ROBO2: variants seen among roughly 807,000 people sequenced by gnomAD.
ROBO2 encodes roundabout guidance receptor 2, also known as roundabout homolog 2.
Under a neutral mutation model 160.8 loss-of-function variants are expected in ROBO2, and 53 were observed. That is an observed-to-expected ratio of 0.33 (90% CI 0.26 to 0.41). The LOEUF is 0.41. Ranked by LOEUF, ROBO2 falls within the 10% of genes least tolerant of loss-of-function variation. The pLI is 1.00. For synonymous variants in ROBO2, 664 were observed against 611.7 expected, an observed-to-expected ratio of 1.09 and a Z score of -1.26; for missense variants, 1,577 against 1,722.4, an observed-to-expected ratio of 0.92 and a Z score of 1.49.
intron 2 of ROBO2, among the ~76,000 whole-genome samples, chr3:76,693,111 ATATG>A (rs2092843056): frequency 6.7e-6 from 1 of 149,840 alleles, no homozygotes; most frequent in African/African-American, 2.4e-5. Context: ...ATATCCCTAT[ATATG>A]TATGTGTATA....
chr3:76,985,250 A>G (rs1243101585), intron 2 of ROBO2, among the ~76,000 whole-genome samples: 2 of 152,128 alleles, frequency 1.3e-5, no homozygotes. Flanking sequence ...ACTTTAAAAT[A>G]TGTGCTTTAG....
At chr3:76,120,673 T>C (rs1437622061) in intron 2 of ROBO2, among the ~76,000 whole-genome samples, 2 of 152,196 alleles carry the variant, frequency 1.3e-5, no homozygotes, top group Non-Finnish European at 1.5e-5. Flanking sequence ...GTACTCCTTA[T>C]ATATTTGTTG....
At position 76,468,248 on chromosome 3, in the gene ROBO2, G is replaced by A. The variant is rs576525504; in HGVS notation, c.109+530646G>A. On this transcript the variant is annotated intron_variant, in intron 2 of 26. Coordinates refer to the ROBO2 transcript ENST00000487694. ...CTGGCAAAGTGAGGATTCAAATATG[G>A]GAATTGAATCCATTGTCAGCACTTT... 2.6e-5 allele frequency among the ~76,000 whole-genome samples: 4 copies of A among 152,196 alleles called. 1 individual carries two copies. The South Asian group carries it at 8.3e-4, about 32-fold the overall frequency.
chr3:77,611,043 A>C (rs2094627272), intron 21 of ROBO2, among the ~76,000 whole-genome samples: 1 of 152,044 alleles, frequency 6.6e-6, no homozygotes, highest in African/African-American at 2.4e-5. Context: ...TCACACCTGT[A>C]ATCTCAGCAC....
intron 2 of ROBO2, among the ~76,000 whole-genome samples, chr3:76,877,906 G>A (rs1363036367): frequency 6.6e-6 from 1 of 152,186 alleles, no homozygotes. Context: ...GAAAGGGCAA[G>A]GTGGAGGAGA....
At chr3:76,524,826 TAAAA>T (rs58091252) in intron 2 of ROBO2, among the ~76,000 whole-genome samples, 475 of 21,180 alleles carry the variant, frequency 0.022, no homozygotes, top group Non-Finnish European at 0.037. Flanking sequence ...CTCTTATTCC[TAAAA>T]AAAAAAAAAA....
intron 2 of ROBO2, among the ~76,000 whole-genome samples, chr3:76,330,919 T>G (rs1238897148): frequency 2.6e-5 from 4 of 152,220 alleles, no homozygotes; most frequent in African/African-American, 9.7e-5. Flanking sequence ...TCTGCTGTGG[T>G]ATTCCCATAA....
intron 2 of ROBO2, among the ~76,000 whole-genome samples, chr3:76,170,115 C>T (rs997560023): frequency 6.6e-6 from 1 of 152,076 alleles, no homozygotes; most frequent in African/African-American, 2.4e-5. Flanking sequence ...TTTACTCATT[C>T]CCACATATTC....
intron 2 of ROBO2, chr3:77,316,857 C>T: frequency 8.4e-7 from 1 of 1,196,780 alleles, no homozygotes; most frequent in Non-Finnish European, 1.2e-6. Context: ...GCTGCAGGGT[C>T]TGAGTGTATC....
At chr3:76,002,603 A>G (rs7628122) in intron 2 of ROBO2, among the ~76,000 whole-genome samples, 116,951 of 151,818 alleles carry the variant, frequency 0.77, 46,208 homozygotes, top group East Asian at 0.97. Context: ...TGAGCCTTTA[A>G]TCTTCTGCCA....
chr3:76,875,738 T>A (rs540296176), intron 2 of ROBO2, among the ~76,000 whole-genome samples: 4 of 152,276 alleles, frequency 2.6e-5, no homozygotes, highest in African/African-American at 7.2e-5. Flanking sequence ...CACTGCAACC[T>A]CTGCTTCCCA....
chr3:77,216,114 C>G (rs1471455300), intron 2 of ROBO2, among the ~76,000 whole-genome samples: 1 of 152,190 alleles, frequency 6.6e-6, no homozygotes, highest in Non-Finnish European at 1.5e-5. Flanking sequence ...AGCTGTCAGA[C>G]AGGGACATTT....
exon 26 of ROBO2, chr3:77,646,095 T>A: frequency 6.4e-7 from 1 of 1,556,058 alleles, no homozygotes; most frequent in South Asian, 1.1e-5. Flanking sequence ...TGAAGGACCA[T>A]CAGGTCCGGA....
At chr3:76,749,593 G>C (rs908029761) in intron 2 of ROBO2, among the ~76,000 whole-genome samples, 2 of 152,144 alleles carry the variant, frequency 1.3e-5, no homozygotes, top group African/African-American at 4.8e-5. Context: ...TTCAATTTGA[G>C]CAAAGGTATG....
intron 2 of ROBO2, among the ~76,000 whole-genome samples, chr3:76,048,620 AC>A (rs773173002): frequency 4.6e-5 from 7 of 152,210 alleles, no homozygotes; most frequent in East Asian, 1.9e-4. Flanking sequence ...AGTTAAAAAA[AC>A]AATATGGAAT....
intron 2 of ROBO2, among the ~76,000 whole-genome samples, chr3:76,715,146 A>T (rs2093359070): frequency 6.6e-6 from 1 of 152,132 alleles, no homozygotes; most frequent in Non-Finnish European, 1.5e-5. Context: ...TTCCTCTTCC[A>T]TCTCGTAAAT....
intron 2 of ROBO2, among the ~76,000 whole-genome samples, chr3:75,971,343 T>G (rs2064987063): frequency 6.6e-6 from 1 of 151,490 alleles, no homozygotes; most frequent in African/African-American, 2.4e-5. Flanking sequence ...TGAACATGTT[T>G]CTTTTAAGTA....
chr3:77,141,318 A>G (rs1470627215), intron 2 of ROBO2, among the ~76,000 whole-genome samples: 1 of 147,230 alleles, frequency 6.8e-6, no homozygotes, highest in Non-Finnish European at 1.5e-5. Context: ...TAACAGATGT[A>G]CTCTTTTATA....
At chr3:76,228,115 A>T (rs1167945174) in intron 2 of ROBO2, among the ~76,000 whole-genome samples, 1 of 152,202 alleles carries the variant, frequency 6.6e-6, no homozygotes, top group Non-Finnish European at 1.5e-5. Context: ...ATGTTTAAAA[A>T]CATGTAAAAT....
Sources: gnomAD v4.1 joint callset for allele counts (sites outside exome capture counted in the v4.1 genomes callset) on GRCh38, gnomAD v4.1.1 for gene constraint, MANE v1.5 for transcripts, NCBI Gene and HGNC (gene_info 2026-07-23, HGNC 2026-07-21) for gene names.